NPR1: variants seen among roughly 807,000 people sequenced by gnomAD.
NPR1 encodes the protein atrial natriuretic peptide receptor 1.
NPR1 carries 57 observed loss-of-function variants against 116.9 expected under a neutral mutation model. The ratio of observed to expected loss-of-function variants is 0.49; its 90% confidence interval spans 0.39 to 0.61. The LOEUF is 0.61. Among genes scored for constraint, NPR1 ranks in the 20% least tolerant of loss-of-function variants. The probability of loss-of-function intolerance (pLI) is 0.00; values close to 1 mark genes in which losing one functional copy is unlikely to be tolerated. For missense variants in NPR1, 1,096 were observed against 1,409.8 expected, an observed-to-expected ratio of 0.78 and a Z score of 3.56; for synonymous variants, 555 against 601.6, an observed-to-expected ratio of 0.92 and a Z score of 1.13.
chr1:153,681,660 C>T lies in NPR1; in HGVS notation c.1036-44C>T, dbSNP rs200561685. On this transcript the variant is annotated intron_variant, in intron 3 of 21. Transcript: ENST00000368680. ...CTTCCCCACAGCTCCCACCTCCATG[C>T]CCTTCATATGCCCACCCCAGCCGAC... is the stretch of plus-strand genomic sequence containing the variant. 5.6e-6 allele frequency: 9 copies of T among 1,601,220 alleles called. No individual in the cohort carries two copies. The South Asian group carries it at 7.8e-5, about 14-fold the overall frequency.
In NPR1 at chr1:153,689,878, G is replaced by T; in HGVS notation, c.2830G>T (p.Glu944Ter). Reference protein sequence around the residue: ...PVRNGRLHACEVARMALALLD... With the variant: ...PVRNGRLHAC Reference sequence around the variant, plus strand: ...GCGGAACGGGCGGCTACACGCCTGCGAGGTAGCCCGCATGGCCCTGGCACT... The same window carrying T: ...GCGGAACGGGCGGCTACACGCCTGCTAGGTAGCCCGCATGGCCCTGGCACT... The change falls in exon 19 of 22, where the codon GAG becomes TAG. Residue 944 changes from glutamate (E) to a stop codon, truncating the protein, a stop_gained. Transcript: ENST00000368680. LOFTEE classifies it high-confidence loss of function. The surrounding 1 kb of genome is among the most constrained non-coding windows in gnomAD (Gnocchi z 5.1). 1 of 1,586,748 alleles carries T rather than the reference G, an allele frequency of 6.3e-7. No homozygotes were observed.
chr1:153,686,410 T>G (rs1287805865), intron 10 of NPR1, among the ~76,000 whole-genome samples: 1 of 151,386 alleles, frequency 6.6e-6, no homozygotes, highest in Non-Finnish European at 1.5e-5. Context: ...GGAGGAATCT[T>G]GAGGGGCCAT....
intron 20 of NPR1, among the ~76,000 whole-genome samples, chr1:153,691,848 G>A (rs979497528): frequency 4.0e-5 from 6 of 151,192 alleles, no homozygotes; most frequent in Non-Finnish European, 7.4e-5. Context: ...GCAGTGAGCC[G>A]AGACTGCACC....
In NPR1 at chr1:153,689,035, C is replaced by A. The variant is rs771920935; in HGVS notation, c.2500C>A (p.Arg834=). ...ANNLEELVEE[R]TQAYLEEKRK... is the part of the protein sequence containing the mutation. ...CAATCTGGAGGAACTGGTGGAGGAG[C>A]GGACCCAGGCATACCTGGAGGAGAA... Residue 834 remains arginine (R), a synonymous_variant, in exon 16 of 22, where the codon CGG becomes AGG. Transcript: ENST00000368680. This position sits in a 1 kb window ranked among gnomAD's most constrained non-coding sequence, Gnocchi z 5.1. The A allele has an allele frequency of 1.2e-6, 2 of 1,614,208 alleles. No individual in the cohort carries two copies. The highest frequency in any genetic ancestry group is 2.2e-5 in the South Asian group (2 of 91,088).
chr1:153,685,533 G>A (rs113458205), intron 8 of NPR1, among the ~76,000 whole-genome samples: 2,466 of 151,996 alleles, frequency 0.016, 57 homozygotes, highest in South Asian at 0.051. Flanking sequence ...GCATGGTGGC[G>A]CATACCTGTA....
chr1:153,684,386 C>T (rs1265836511), intron 7 of NPR1, among the ~76,000 whole-genome samples: 4 of 89,012 alleles, frequency 4.5e-5, no homozygotes, highest in Admixed American at 1.6e-4. Context: ...TTCTTTCTTT[C>T]TTTTTTTTTT....
At chr1:153,683,930 C>A (rs1015268803) in intron 7 of NPR1, 106 bp downstream of exon 7, 8 of 879,194 alleles carry the variant, frequency 9.1e-6, no homozygotes, top group South Asian at 1.4e-5. Context: ...GAAGGGGCAC[C>A]AGGGGAAAAC....
intron 14 of NPR1, 92 bp downstream of exon 14, chr1:153,687,881 C>T: frequency 7.4e-7 from 1 of 1,359,108 alleles, no homozygotes; most frequent in Non-Finnish European, 1.0e-6. Context: ...ACCACACCTT[C>T]CTTCTGTAAT....
intron 7 of NPR1, 77 bp downstream of exon 7, chr1:153,683,901 G>C: frequency 7.7e-7 from 1 of 1,291,858 alleles, no homozygotes; most frequent in Non-Finnish European, 1.1e-6. Context: ...TGGGGACCCA[G>C]AGGGAAGAGG....
rs1669691272 is a variant in NPR1 at position 153,679,303 on chromosome 1, G to A, written c.195G>A (p.Gln65=). The stretch of plus-strand genomic sequence containing the variant: ...CCGCCGTGGAGCTGGCCCTGGCCCA[G>A]GTGAAGGCGCGCCCCGACTTGCTGC... ...VGPAVELALA[Q]VKARPDLLPG... The change falls in exon 1 of 22, where the codon CAG becomes CAA. Residue 65 remains glutamine (Q), a synonymous_variant. Transcript: ENST00000368680. The surrounding 1 kb of genome is among the most constrained non-coding windows in gnomAD (Gnocchi z 4.2). 6.5e-7 allele frequency: 1 copy of A among 1,532,074 alleles called. No homozygotes were observed. Among genetic ancestry groups the A allele is most frequent in the African/African-American group, 1.4e-5 (1 of 71,592 alleles). 94.9% of individuals were successfully genotyped at this position (1,532,074 alleles called of 1,614,324 possible).
chr1:153,687,976 T>C lies in NPR1; in HGVS notation c.2249-77T>C, dbSNP rs900287768. The stretch of plus-strand genomic sequence containing the variant: ...CCTTGGTCTTGGACTTCCCCTGCCA[T>C]CTCAGCTGGTTGCCCCAGTCTCTCA... On this transcript the variant is annotated intron_variant, in intron 14 of 21. Coordinates refer to ENST00000368680, the MANE Select transcript of NPR1 (RefSeq NM_000906.4). 9 of 1,167,932 alleles carry C rather than the reference T, an allele frequency of 7.7e-6. No homozygotes were observed. The Admixed American group carries it at 1.0e-4, about 13-fold the overall frequency. The allele number at this position is 1,167,932 out of a possible 1,614,324, so 72.3% of individuals were successfully genotyped here.
intron 20 of NPR1, among the ~76,000 whole-genome samples, chr1:153,692,431 T>C (rs1670131847): frequency 6.6e-6 from 1 of 151,976 alleles, no homozygotes; most frequent in Admixed American, 6.6e-5. Flanking sequence ...CTGTATTCTG[T>C]GCTGTCCAAT....
At position 153,687,556 on chromosome 1, in the gene NPR1, T is replaced by C. The variant is rs61758566; in HGVS notation, c.2093-78T>C. The C allele has an allele frequency of 5.0e-3, 7,538 of 1,516,998 alleles. 31 individuals carry two copies. The highest frequency in any genetic ancestry group is 6.1e-3 in the Non-Finnish European group (6,892 of 1,128,316). The allele number at this position is 1,516,998 out of a possible 1,614,324, so 94.0% of individuals were successfully genotyped here. A position where few individuals can be genotyped will look rare whatever the true frequency, so the allele number is the denominator to read the frequency against. ...ACTCTGTGATGCATCCAGATCAGTTTCGGCCACACCCTTGTTTCCCCCTCA... is the reference window on the plus strand; with the variant it reads ...ACTCTGTGATGCATCCAGATCAGTTCCGGCCACACCCTTGTTTCCCCCTCA... On this transcript the variant is annotated intron_variant, in intron 13 of 21. Coordinates refer to ENST00000368680, the MANE Select transcript of NPR1 (RefSeq NM_000906.4).
chr1:153,690,786 A>G (rs1427657512), intron 20 of NPR1, among the ~76,000 whole-genome samples: 2 of 151,918 alleles, frequency 1.3e-5, no homozygotes. Context: ...TACTAAAAAT[A>G]CAAAAAACTA....
In NPR1 at chr1:153,689,581, T is replaced by A. The variant is rs1571352548; in HGVS notation, c.2757+60T>A. 4 of 1,508,574 alleles carry A rather than the reference T, an allele frequency of 2.7e-6. No individual in the cohort carries two copies. The highest frequency in any genetic ancestry group is 3.7e-6 in the Non-Finnish European group (4 of 1,085,688). The allele number at this position is 1,508,574 out of a possible 1,614,324, so 93.4% of individuals were successfully genotyped here. A position where few individuals can be genotyped will look rare whatever the true frequency, so the allele number is the denominator to read the frequency against. On this transcript the variant is annotated intron_variant, in intron 18 of 21. Transcript: ENST00000368680. The surrounding 1 kb of genome is among the most constrained non-coding windows in gnomAD (Gnocchi z 5.1). ...AGACATGGACAAGGTCAGAAAAAGA[T>A]GAGGGGTAGGCAGAATGATGTGGAG...
At chr1:153,681,013 C>T (rs868304012) in intron 2 of NPR1, 167 bp from the exon 3 acceptor site, 5 of 605,254 alleles carry the variant, frequency 8.3e-6, no homozygotes, top group Non-Finnish European at 1.2e-5. Flanking sequence ...CCCATTGGAT[C>T]CCCTGCTTTG....
chr1:153,692,637 C>T (rs1236153567), intron 20 of NPR1, among the ~76,000 whole-genome samples: 1 of 151,976 alleles, frequency 6.6e-6, no homozygotes, highest in Non-Finnish European at 1.5e-5. Context: ...CTCAGCCTCC[C>T]AAGTAGCTGG....
Position 153,693,491 on chromosome 1 carries a change from C to T in NPR1, c.*77C>T. On this transcript the variant is annotated 3_prime_UTR_variant, in exon 22 of 22. Transcript: ENST00000368680. ...CAGAGGTGCCAGGCCTCAGCCTCAC[C>T]CACAGCAGCCCCATCGCCAAAGGAT... is the stretch of plus-strand genomic sequence containing the variant. The T allele has an allele frequency of 1.5e-6, 2 of 1,291,164 alleles. No homozygotes were observed. The highest frequency in any genetic ancestry group is 2.8e-5 in the South Asian group (2 of 71,956). The allele number at this position is 1,291,164 out of a possible 1,614,324, so 80.0% of individuals were successfully genotyped here. A position where few individuals can be genotyped will look rare whatever the true frequency, so the allele number is the denominator to read the frequency against.
Position 153,685,794 on chromosome 1 carries a change from C to T in NPR1, c.1606-12C>T. The T allele has an allele frequency of 1.2e-6, 2 of 1,612,640 alleles. No individual in the cohort carries two copies. Among genetic ancestry groups the T allele is most frequent in the South Asian group, 1.1e-5 (1 of 91,048 alleles). On this transcript the variant is annotated splice_polypyrimidine_tract_variant and intron_variant, in intron 8 of 21. Transcript: ENST00000368680. ...ACCGGCTGACCATTCCTCCTGCTCTCCCTCCTTTCAGAGAGGCTCCAATTA... is the reference window on the plus strand; with the variant it reads ...ACCGGCTGACCATTCCTCCTGCTCTTCCTCCTTTCAGAGAGGCTCCAATTA...
Sources: allele counts gnomAD v4.1 joint callset (sites outside exome capture counted in the v4.1 genomes callset), GRCh38; gene constraint gnomAD v4.1.1; non-coding constraint Gnocchi (gnomAD v3.1); transcripts MANE v1.5; gene names NCBI Gene and HGNC (gene_info 2026-07-23, HGNC 2026-07-21).